Variants in RHOT1 observed in about 807,000 individuals in gnomAD.
RHOT1 encodes the protein ras homolog family member T1, also known as mitochondrial Rho GTPase 1.
A neutral mutation model predicts 95.3 loss-of-function variants in RHOT1; 27 were observed. The observed-to-expected ratio is 0.28, with a 90% CI of 0.21 to 0.39. RHOT1 has a LOEUF of 0.39. Ranked by LOEUF, RHOT1 falls within the 10% of genes least tolerant of loss-of-function variation. The pLI, the probability that RHOT1 is intolerant of heterozygous loss-of-function variation, is 1.00. For missense variants in RHOT1, 578 were observed against 786.7 expected, an observed-to-expected ratio of 0.73 and a Z score of 3.17; for synonymous variants, 227 against 263.5, an observed-to-expected ratio of 0.86 and a Z score of 1.34.
rs566277433 is a variant in RHOT1 at position 32,145,584 on chromosome 17, A to G, written c.37+2855A>G. On this transcript the variant is annotated intron_variant, in intron 1 of 19. Transcript: ENST00000545287. Reference sequence around the variant, plus strand: ...AGTCTTTCTGCTCCTGCTTTCCTCCATTTTCCGTGGAGCAGGCAGATTCAT... The same window carrying G: ...AGTCTTTCTGCTCCTGCTTTCCTCCGTTTTCCGTGGAGCAGGCAGATTCAT... Among the ~76,000 whole-genome samples the G allele has an allele frequency of 4.0e-5, 6 of 151,448 alleles. 1 individual carries two copies. The highest frequency in any genetic ancestry group is 1.5e-4 in the African/African-American group (6 of 41,302).
chr17:32,156,452 G>T (rs2142409181), intron 1 of RHOT1, among the ~76,000 whole-genome samples: 1 of 152,136 alleles, frequency 6.6e-6, no homozygotes, highest in Non-Finnish European at 1.5e-5. Context: ...ATTATTTTTG[G>T]TAGAGGCGGG....
chr17:32,200,980 G>T lies in RHOT1; in HGVS notation c.1125G>T (p.Gln375His). 6.2e-7 allele frequency: 1 copy of T among 1,611,996 alleles called. No homozygotes were observed. The highest frequency in any genetic ancestry group is 1.1e-5 in the South Asian group (1 of 90,804). The change falls in exon 14 of 20, where the codon CAG becomes CAT. Residue 375 changes from glutamine to histidine, a missense_variant. By Grantham distance (24) the Gln-to-His change is conservative. Around this residue, in one of 4 missense-constraint regions of RHOT1, gnomAD observed 296 missense variants for 338.5 expected, o/e 0.87. Transcript: ENST00000545287. ...QWTLTTYLDVQRCLEYLGYLG... is the reference protein window; with the variant it reads ...QWTLTTYLDVHRCLEYLGYLG... Reference sequence around the variant, plus strand: ...GGCTCACGACTTATTTAGATGTACAGCGGTGCCTGGAATATTTGGGCTATC... The same window carrying T: ...GGCTCACGACTTATTTAGATGTACATCGGTGCCTGGAATATTTGGGCTATC...
At chr17:32,172,377 G>C (rs894201443) in intron 2 of RHOT1, among the ~76,000 whole-genome samples, 1 of 152,142 alleles carries the variant, frequency 6.6e-6, no homozygotes, top group Admixed American at 6.6e-5. Flanking sequence ...GAGAGTTTTA[G>C]TTTAGAATTG....
At chr17:32,188,129 C>G (rs118153894) in intron 8 of RHOT1, among the ~76,000 whole-genome samples, 5 of 152,328 alleles carry the variant, frequency 3.3e-5, no homozygotes, top group Non-Finnish European at 7.3e-5. Flanking sequence ...GACAGCATTT[C>G]AAGTACTATG....
chr17:32,150,982 C>T, intron 1 of RHOT1: 1 of 1,543,252 alleles, frequency 6.5e-7, no homozygotes. Context: ...GCTGCTGCTG[C>T]TTCAATTTGA....
At chr17:32,222,291 C>T (rs1407299281) in intron 19 of RHOT1, among the ~76,000 whole-genome samples, 2 of 152,152 alleles carry the variant, frequency 1.3e-5, no homozygotes, top group Non-Finnish European at 2.9e-5. Context: ...GGATGTTGGA[C>T]TCAATTTTTT....
At chr17:32,186,312 A>G (rs2036046771) in intron 8 of RHOT1, among the ~76,000 whole-genome samples, 1 of 149,168 alleles carries the variant, frequency 6.7e-6, no homozygotes. Context: ...TCATGTGCTT[A>G]TTGGCCATCT....
intron 19 of RHOT1, among the ~76,000 whole-genome samples, chr17:32,220,708 C>T (rs566853079): frequency 5.1e-4 from 77 of 150,382 alleles, no homozygotes; most frequent in South Asian, 1.5e-3. Flanking sequence ...TGGTGGTGCA[C>T]GCCTGTAATC....
intron 1 of RHOT1, among the ~76,000 whole-genome samples, chr17:32,157,554 A>G (rs1041756368): frequency 6.6e-6 from 1 of 152,180 alleles, no homozygotes; most frequent in Non-Finnish European, 1.5e-5. Context: ...GCTCATGCCT[A>G]TAATCCATTT....
intron 1 of RHOT1, among the ~76,000 whole-genome samples, chr17:32,164,689 C>A (rs1370470973): frequency 6.6e-6 from 1 of 150,590 alleles, no homozygotes; most frequent in African/African-American, 2.5e-5. Flanking sequence ...CATAGTGAAA[C>A]CCTGTCTCTA....
chr17:32,190,221 C>T (rs2036386968), intron 8 of RHOT1, among the ~76,000 whole-genome samples: 1 of 151,872 alleles, frequency 6.6e-6, no homozygotes, highest in South Asian at 2.1e-4. Context: ...TTTGGGGGGC[C>T]GAGGCAGGCA....
At chr17:32,191,183 C>A (rs1476883904) in intron 8 of RHOT1, among the ~76,000 whole-genome samples, 1 of 152,114 alleles carries the variant, frequency 6.6e-6, no homozygotes, top group African/African-American at 2.4e-5. Flanking sequence ...TATCAAATTA[C>A]TCTCCCAGAG....
At chr17:32,180,804 T>G (rs979627145) in intron 6 of RHOT1, among the ~76,000 whole-genome samples, 2 of 151,904 alleles carry the variant, frequency 1.3e-5, no homozygotes, top group African/African-American at 4.8e-5. Flanking sequence ...CATGACAGCT[T>G]CCCAAGTAGC....
intron 3 of RHOT1, among the ~76,000 whole-genome samples, 154 bp downstream of exon 3, chr17:32,174,066 A>G (rs765603584): frequency 2.0e-5 from 3 of 152,128 alleles, no homozygotes; most frequent in South Asian, 4.1e-4. Flanking sequence ...ATGTCTGTCA[A>G]CCTCTACCCT....
intron 2 of RHOT1, among the ~76,000 whole-genome samples, chr17:32,171,809 A>G (rs1006840782): frequency 5.9e-5 from 9 of 152,234 alleles, no homozygotes; most frequent in Non-Finnish European, 8.8e-5. Context: ...TTCATTTTAC[A>G]AATGTTGAAA....
At chr17:32,155,542 A>G (rs1337499597) in intron 1 of RHOT1, among the ~76,000 whole-genome samples, 1 of 143,712 alleles carries the variant, frequency 7.0e-6, no homozygotes, top group Non-Finnish European at 1.5e-5. Context: ...GGATCCTAAC[A>G]CATTTCAAAA....
intron 9 of RHOT1, among the ~76,000 whole-genome samples, chr17:32,192,664 CTTTTTT>C (rs992979598): frequency 7.7e-6 from 1 of 129,194 alleles, no homozygotes; most frequent in African/African-American, 2.8e-5. Flanking sequence ...ACATGTTTTA[CTTTTTT>C]TTTTTTTTTT....
At position 32,193,071 on chromosome 17, in the gene RHOT1, ATTT is replaced by A. The variant is rs2142766420; in HGVS notation, c.640-63_640-61del. The stretch of plus-strand genomic sequence containing the variant: ...ATTTAATATTGCTTTGTAGATTATC[ATTT>A]TATATTATTTGTGGTTTTAACGCTG... On this transcript the variant is annotated intron_variant, in intron 9 of 19. Coordinates refer to ENST00000545287, the MANE Select transcript of RHOT1 (RefSeq NM_001033566.3). 4.2e-6 allele frequency: 4 copies of A among 946,904 alleles called. No individual in the cohort carries two copies. The South Asian group carries it at 5.9e-5, about 14-fold the overall frequency. 58.7% of individuals were successfully genotyped at this position (946,904 alleles called of 1,614,324 possible). A position where few individuals can be genotyped will look rare whatever the true frequency, so the allele number is the denominator to read the frequency against.
chr17:32,146,283 C>G (rs1384227840), intron 1 of RHOT1, among the ~76,000 whole-genome samples: 1 of 152,022 alleles, frequency 6.6e-6, no homozygotes, highest in Non-Finnish European at 1.5e-5. Flanking sequence ...TGCTGTATCC[C>G]CAGTGGCTAG....
Sources: gnomAD v4.1 joint callset for allele counts (sites outside exome capture counted in the v4.1 genomes callset) on GRCh38, gnomAD v4.1.1 for gene constraint, gnomAD v4.1.1 regional missense constraint, MANE v1.5 for transcripts, NCBI Gene and HGNC (gene_info 2026-07-23, HGNC 2026-07-21) for gene names.